The following MEI4 variants were observed in gnomAD, a reference collection of about 807,000 sequenced individuals.
The protein encoded by MEI4 is meiosis-specific protein MEI4.
MEI4 carries 27 observed loss-of-function variants against 31.4 expected under a neutral mutation model. The observed-to-expected ratio is 0.86, with a 90% confidence interval of 0.63 to 1.19. MEI4 has a LOEUF of 1.19. Among genes scored for constraint, MEI4 ranks in the 50% most tolerant of loss-of-function variants. The pLI, the probability that MEI4 is intolerant of heterozygous loss-of-function variation, is 0.00. For missense variants in MEI4, 329 were observed against 398.9 expected (o/e 0.82, Z 1.49); for synonymous variants, 122 against 145.4 (o/e 0.84, Z 1.16).
chr6:77,744,691 A>G (rs1354635881), intron 2 of MEI4, among the ~76,000 whole-genome samples: 2 of 152,324 alleles, frequency 1.3e-5, no homozygotes, highest in East Asian at 1.9e-4. Flanking sequence ...GTTGAAATGA[A>G]GGAAAAATTG....
At chr6:77,921,476 CCTT>C (rs906971761) in intron 4 of MEI4, among the ~76,000 whole-genome samples, 1 of 151,756 alleles carries the variant, frequency 6.6e-6, no homozygotes, top group African/African-American at 2.4e-5. Context: ...GGCTGTTTCC[CCTT>C]CTTATTATTT....
intron 3 of MEI4, among the ~76,000 whole-genome samples, chr6:77,823,994 C>T (rs570825296): frequency 6.6e-6 from 1 of 152,180 alleles, no homozygotes; most frequent in South Asian, 2.1e-4. Flanking sequence ...TGGTTGAACA[C>T]TTTTTATGGA....
chr6:77,707,511 G>A (rs1223034729), intron 2 of MEI4, among the ~76,000 whole-genome samples: 6 of 152,202 alleles, frequency 3.9e-5, no homozygotes, highest in Admixed American at 2.0e-4. Flanking sequence ...AGGAAAGAGC[G>A]TTTTCATGGG....
At chr6:77,910,082 C>G (rs1278633624) in intron 4 of MEI4, among the ~76,000 whole-genome samples, 1 of 152,100 alleles carries the variant, frequency 6.6e-6, no homozygotes, top group Non-Finnish European at 1.5e-5. Context: ...CTGTCTATGA[C>G]AAACCCACAG....
At chr6:77,802,726 T>C (rs969022444) in intron 3 of MEI4, among the ~76,000 whole-genome samples, 1 of 152,230 alleles carries the variant, frequency 6.6e-6, no homozygotes, top group Non-Finnish European at 1.5e-5. Context: ...ATCCTTCACT[T>C]CTGAAGCTTA....
chr6:77,890,037 A>C (rs1320910222), intron 4 of MEI4, among the ~76,000 whole-genome samples: 1 of 152,186 alleles, frequency 6.6e-6, no homozygotes, highest in Non-Finnish European at 1.5e-5. Flanking sequence ...CAGAGCCCTC[A>C]TGAAGAACCT....
chr6:77,719,633 G>C (rs1027258336), intron 2 of MEI4, among the ~76,000 whole-genome samples: 1 of 121,920 alleles, frequency 8.2e-6, no homozygotes, highest in Non-Finnish European at 1.7e-5. Flanking sequence ...GGGCGGGAAA[G>C]GCACATAGGC....
At chr6:77,709,956 C>G (rs1046782868) in intron 2 of MEI4, among the ~76,000 whole-genome samples, 2 of 152,138 alleles carry the variant, frequency 1.3e-5, no homozygotes, top group Non-Finnish European at 2.9e-5. Context: ...CAGGCCAAGT[C>G]CATGCCTGTG....
intron 1 of MEI4, among the ~76,000 whole-genome samples, chr6:77,687,965 G>A (rs1769089575): frequency 6.6e-6 from 1 of 152,072 alleles, no homozygotes; most frequent in Non-Finnish European, 1.5e-5. Context: ...AAAGTTCCAA[G>A]CTTTTAATTA....
chr6:77,722,378 G>T (rs377288821), intron 2 of MEI4, among the ~76,000 whole-genome samples: 9,380 of 123,954 alleles, frequency 0.076, 2 homozygotes, highest in South Asian at 0.16. Flanking sequence ...TTTTGGTAGC[G>T]GCCACTGATT....
chr6:77,907,907 G>A (rs57360630), intron 4 of MEI4, among the ~76,000 whole-genome samples: 14,013 of 151,928 alleles, frequency 0.092, 943 homozygotes, highest in East Asian at 0.31. Flanking sequence ...CAGTGATGAC[G>A]AGCGTGTTTT....
chr6:77,923,339 G>T lies in MEI4; in HGVS notation c.1151G>T (p.Arg384Ile), dbSNP rs1440346381. ...LLSSAQIETL[R>I]K is the part of the protein sequence containing the mutation. ...AGCTCAGCACAGATAGAAACTCTTA[G>T]AAAATAACTCCATTCCTTAGCAATT... The change falls in exon 5 of 5, where the codon AGA becomes ATA. Residue 384 changes from arginine to isoleucine, a missense_variant. Physicochemically the swap from Arg to Ile is moderately conservative, Grantham distance 97. Coordinates refer to ENST00000684080, the MANE Select transcript of MEI4 (RefSeq NM_001322247.2). The T allele has an allele frequency of 8.1e-7, 1 of 1,229,494 alleles. No individual in the cohort carries two copies. The highest frequency in any genetic ancestry group is 1.0e-6 in the Non-Finnish European group (1 of 986,232). The allele number at this position is 1,229,494 out of a possible 1,614,324, so 76.2% of individuals were successfully genotyped here.
intron 4 of MEI4, among the ~76,000 whole-genome samples, chr6:77,877,478 C>G (rs1449751191): frequency 1.7e-5 from 1 of 57,248 alleles, no homozygotes; most frequent in Non-Finnish European, 3.0e-5. Context: ...CATCATCTAG[C>G]TGATGGTTGC....
chr6:77,651,082 T>C (rs1025959694), upstream of MEI4, among the ~76,000 whole-genome samples: 5 of 152,086 alleles, frequency 3.3e-5, no homozygotes, highest in Non-Finnish European at 5.9e-5. Context: ...ATAGGAAGCA[T>C]TGAGGGTAAA....
chr6:77,803,852 C>T (rs1769347551), intron 3 of MEI4, among the ~76,000 whole-genome samples: 2 of 152,118 alleles, frequency 1.3e-5, no homozygotes, highest in Non-Finnish European at 2.9e-5. Context: ...CAGAGGAGTA[C>T]CCAGCCATGT....
chr6:77,803,980 C>T (rs1769352971), intron 3 of MEI4, among the ~76,000 whole-genome samples: 1 of 152,178 alleles, frequency 6.6e-6, no homozygotes, highest in South Asian at 2.1e-4. Flanking sequence ...GCTGGGAGAA[C>T]CACTGCTCTC....
At chr6:77,664,977 A>G (rs913701717) in intron 1 of MEI4, among the ~76,000 whole-genome samples, 21 of 151,892 alleles carry the variant, frequency 1.4e-4, no homozygotes, top group Middle Eastern at 3.4e-3. Flanking sequence ...ACACAGGCCA[A>G]GGGAGTAGAA....
At chr6:77,794,364 C>T (rs1769021224) in intron 3 of MEI4, among the ~76,000 whole-genome samples, 1 of 152,218 alleles carries the variant, frequency 6.6e-6, no homozygotes, top group Admixed American at 6.5e-5. Context: ...GAGATCGAGA[C>T]CATCCTGGCT....
chr6:77,736,500 C>T (rs9350719), intron 2 of MEI4, among the ~76,000 whole-genome samples: 21,408 of 151,924 alleles, frequency 0.14, 1,618 homozygotes, highest in Middle Eastern at 0.21. Context: ...GGCTTGCGAA[C>T]GGTGCGCGCA....
Sources: allele counts gnomAD v4.1 joint callset (sites outside exome capture counted in the v4.1 genomes callset), GRCh38; gene constraint gnomAD v4.1.1; transcripts MANE v1.5; gene names NCBI Gene and HGNC (gene_info 2026-07-23, HGNC 2026-07-21).